Variants in CDKL3 observed in about 807,000 individuals in gnomAD.
The protein encoded by CDKL3 is cyclin dependent kinase like 3.
In CDKL3, 65 loss-of-function variants were observed where a neutral mutation model predicts 69.3. That is an observed-to-expected ratio of 0.94 (90% CI 0.77 to 1.15). CDKL3 has a LOEUF of 1.15. Among genes scored for constraint, CDKL3 ranks in the 50% most tolerant of loss-of-function variants. CDKL3 has a pLI of 0.00. For missense variants in CDKL3, 652 were observed against 689.2 expected, an observed-to-expected ratio of 0.95 and a Z score of 0.61; for synonymous variants, 202 against 221.6, an observed-to-expected ratio of 0.91 and a Z score of 0.79.
intron 4 of CDKL3, among the ~76,000 whole-genome samples, chr5:134,335,084 T>C (rs1381813161): frequency 6.6e-6 from 1 of 152,080 alleles, no homozygotes; most frequent in Non-Finnish European, 1.5e-5. Context: ...TCTTTGTCTC[T>C]TTTCATCTTT....
intron 10 of CDKL3, among the ~76,000 whole-genome samples, chr5:134,305,729 A>G (rs1445506711): frequency 1.3e-5 from 2 of 152,170 alleles, no homozygotes; most frequent in African/African-American, 4.8e-5. Flanking sequence ...CTGCTTTTGG[A>G]CAGGTTTGTA....
intron 12 of CDKL3, chr5:134,299,702 C>T: frequency 6.5e-7 from 1 of 1,534,656 alleles, no homozygotes; most frequent in Non-Finnish European, 8.7e-7. Context: ...ATTTTCTACT[C>T]TACATCTGGC....
At chr5:134,333,011 T>TC (rs984280805) in intron 4 of CDKL3, among the ~76,000 whole-genome samples, 1 of 152,256 alleles carries the variant, frequency 6.6e-6, no homozygotes. Flanking sequence ...GTCCTTCATA[T>TC]CCCTTGTAAG....
chr5:134,339,445 G>A (rs1204312123), intron 4 of CDKL3, among the ~76,000 whole-genome samples: 2 of 152,072 alleles, frequency 1.3e-5, no homozygotes, highest in African/African-American at 4.8e-5. Flanking sequence ...TAGAGATGAA[G>A]AGGGAAATTT....
chr5:134,305,119 AT>A (rs1767452517), intron 10 of CDKL3, among the ~76,000 whole-genome samples: 1 of 151,240 alleles, frequency 6.6e-6, no homozygotes, highest in South Asian at 2.1e-4. Flanking sequence ...TATTATTATT[AT>A]TATTATTATT....
intron 5 of CDKL3, 138 bp from the exon 6 acceptor site, chr5:134,319,635 G>T: frequency 1.2e-6 from 1 of 854,196 alleles, no homozygotes; most frequent in Non-Finnish European, 1.7e-6. Flanking sequence ...TTAATTTTTT[G>T]AAGTTGAATA....
At chr5:134,350,581 T>C (rs2286387) in intron 3 of CDKL3, among the ~76,000 whole-genome samples, 154 bp from the exon 4 acceptor site, 20,468 of 152,206 alleles carry the variant, frequency 0.13, 1,653 homozygotes, top group African/African-American at 0.21. Context: ...AATATAGTTA[T>C]ATGTTTTCAA....
intron 3 of CDKL3, among the ~76,000 whole-genome samples, chr5:134,358,231 C>T (rs1755092066): frequency 6.6e-6 from 1 of 152,180 alleles, no homozygotes; most frequent in African/African-American, 2.4e-5. Context: ...CTGTTGTTCC[C>T]TGTAACCTGA....
chr5:134,337,323 C>G (rs961424465), intron 4 of CDKL3, among the ~76,000 whole-genome samples: 1 of 152,196 alleles, frequency 6.6e-6, no homozygotes. Context: ...TGAGGCGACG[C>G]CCCTCCCTGC....
chr5:134,325,526 T>G (rs1773927722), intron 4 of CDKL3, among the ~76,000 whole-genome samples: 1 of 152,158 alleles, frequency 6.6e-6, no homozygotes, highest in South Asian at 2.1e-4. Flanking sequence ...TAATTGTTAT[T>G]TAATAACAGT....
chr5:134,303,627 T>C (rs1379908936), intron 11 of CDKL3, among the ~76,000 whole-genome samples: 3 of 152,066 alleles, frequency 2.0e-5, no homozygotes, highest in Non-Finnish European at 4.4e-5. Flanking sequence ...GTGGATCACC[T>C]GAGGTCAGGA....
intron 3 of CDKL3, among the ~76,000 whole-genome samples, chr5:134,350,831 G>GAAAAAAAAAAAAAAAAAAAAAAAAAAA (rs112330114): frequency 1.2e-5 from 1 of 82,366 alleles, no homozygotes; most frequent in African/African-American, 3.9e-5. Flanking sequence ...AGAAAAAAAA[G>GAAAAAAAAAAAAAAAAAAAAAAAAAAA]AAAAAAAAAA....
intron 3 of CDKL3, among the ~76,000 whole-genome samples, chr5:134,353,809 C>T (rs960868911): frequency 3.3e-5 from 5 of 152,106 alleles, no homozygotes; most frequent in Non-Finnish European, 5.9e-5. Flanking sequence ...CCGCCCGCCT[C>T]GGCCTCCCAA....
chr5:134,336,732 G>C (rs969005299), intron 4 of CDKL3, among the ~76,000 whole-genome samples: 4 of 152,178 alleles, frequency 2.6e-5, no homozygotes, highest in African/African-American at 7.2e-5. Context: ...CCTGTATGAA[G>C]TGTCCGTTGG....
Position 134,308,331 on chromosome 5 carries a change from C to T in CDKL3, c.1171G>A (p.Val391Ile), listed in dbSNP as rs1357031471. The change falls in exon 9 of 13, where the codon GTT (valine) becomes ATT (isoleucine). Residue 391 changes from valine (V) to isoleucine (I), a missense_variant. Physicochemically the swap from Val to Ile is conservative, Grantham distance 29 (BLOSUM62 3). Transcript: ENST00000265334. Reference sequence around the variant, plus strand: ...TTTGTATCTGGAGACATAGGATGAACATTTTCATTTGCATCCTGTTGACCA... The same window carrying T: ...TTTGTATCTGGAGACATAGGATGAATATTTTCATTTGCATCCTGTTGACCA... ...GLGQQDANEN[V>I]HPMSPDTKLV... is the part of the protein sequence containing the mutation. 4 of 1,613,868 alleles carry T rather than the reference C, an allele frequency of 2.5e-6. No individual in the cohort carries two copies. The highest frequency in any genetic ancestry group is 1.1e-5 in the South Asian group (1 of 91,078).
In CDKL3 at chr5:134,363,564, AATTCTCCT is replaced by A. The variant is rs1395180199; in HGVS notation, c.165+2787_165+2794del. On this transcript the variant is annotated intron_variant, in intron 2 of 12. Coordinates refer to ENST00000265334, the MANE Select transcript of CDKL3 (RefSeq NM_001113575.2). ...CAACCTCCTCCTCCTGGGTTCAAGC[AATTCTCCT>A]ACCTCAGCCTCCCGAGTAGCTGGGA... 1.2e-4 allele frequency among the ~76,000 whole-genome samples: 18 copies of A among 149,910 alleles called. No homozygotes were observed. In the East Asian group the frequency reaches 3.4e-3, roughly 28 times the overall value.
At chr5:134,349,742 G>A (rs1752780088) in intron 4 of CDKL3, among the ~76,000 whole-genome samples, 1 of 152,318 alleles carries the variant, frequency 6.6e-6, no homozygotes, top group South Asian at 2.1e-4. Flanking sequence ...AGTGAGCGTA[G>A]CAGTAGCAGT....
At chr5:134,325,514 TTTAA>T (rs1252407224) in intron 4 of CDKL3, among the ~76,000 whole-genome samples, 51 of 152,202 alleles carry the variant, frequency 3.4e-4, no homozygotes, top group African/African-American at 2.4e-4. Flanking sequence ...TATGTTCAGC[TTTAA>T]TTGTTATTTA....
At chr5:134,302,564 TA>T in intron 12 of CDKL3, 25 bp downstream of exon 12, 1 of 1,195,904 alleles carries the variant, frequency 8.4e-7, no homozygotes, top group East Asian at 2.4e-5. Flanking sequence ...CATGCCTTAG[TA>T]AAAGCTATAT....
Sources: gnomAD v4.1 joint callset for allele counts (sites outside exome capture counted in the v4.1 genomes callset) on GRCh38, gnomAD v4.1.1 for gene constraint, MANE v1.5 for transcripts, NCBI Gene and HGNC (gene_info 2026-07-23, HGNC 2026-07-21) for gene names.